TMEFF1: variants seen among roughly 807,000 people sequenced by gnomAD.
TMEFF1 encodes transmembrane protein with EGF like and two follistatin like domains 1.
In TMEFF1, 20 loss-of-function variants were observed where a neutral mutation model predicts 47.5. The observed-to-expected ratio is 0.42, with a 90% CI of 0.30 to 0.61. TMEFF1 has a LOEUF of 0.61. TMEFF1 is among the 20% of genes least tolerant of loss of function. TMEFF1 has a pLI of 0.19. For missense variants in TMEFF1, 411 were observed against 471.1 expected (o/e 0.87, Z 1.18); for synonymous variants, 162 against 166.3 (o/e 0.97, Z 0.20).
intron 2 of TMEFF1, among the ~76,000 whole-genome samples, 156 bp from the exon 3 acceptor site, chr9:100,508,849 A>G (rs1302196701): frequency 6.6e-6 from 1 of 151,284 alleles, no homozygotes; most frequent in East Asian, 1.9e-4. Context: ...GGTATGAAGA[A>G]GTAGCATAAT....
At chr9:100,482,765 C>T (rs997379070) in intron 1 of TMEFF1, among the ~76,000 whole-genome samples, 2 of 152,138 alleles carry the variant, frequency 1.3e-5, no homozygotes, top group Admixed American at 1.3e-4. Context: ...CTGTTATTCA[C>T]AATTATATGT....
At chr9:100,559,170 T>C (rs1240354582) in intron 7 of TMEFF1, among the ~76,000 whole-genome samples, 1 of 152,114 alleles carries the variant, frequency 6.6e-6, no homozygotes, top group Non-Finnish European at 1.5e-5. Flanking sequence ...AAAACCCAAA[T>C]AGCAATAAAA....
intron 8 of TMEFF1, among the ~76,000 whole-genome samples, chr9:100,564,083 TTTTTGTTTTGA>T (rs1385382499): frequency 6.6e-6 from 1 of 152,164 alleles, no homozygotes; most frequent in Non-Finnish European, 1.5e-5. Context: ...TTTCGTTTTG[TTTTTGTTTTGA>T]GATGAAGTCT....
intron 5 of TMEFF1, among the ~76,000 whole-genome samples, chr9:100,524,130 T>C (rs1277824574): frequency 6.6e-6 from 1 of 150,632 alleles, no homozygotes; most frequent in African/African-American, 2.5e-5. Flanking sequence ...CAAGCAGATA[T>C]GTACATATAT....
At chr9:100,535,459 C>G (rs766338135) in intron 5 of TMEFF1, among the ~76,000 whole-genome samples, 4 of 152,146 alleles carry the variant, frequency 2.6e-5, no homozygotes, top group Non-Finnish European at 5.9e-5. Flanking sequence ...TTTTCCTTTA[C>G]TAATAGGAAT....
At chr9:100,570,366 A>G (rs1360751618) in intron 8 of TMEFF1, among the ~76,000 whole-genome samples, 5 of 152,122 alleles carry the variant, frequency 3.3e-5, no homozygotes, top group South Asian at 2.1e-4. Flanking sequence ...ACGGTTTTCC[A>G]TAATAACTGT....
At chr9:100,489,349 T>C (rs1291566261) in intron 1 of TMEFF1, among the ~76,000 whole-genome samples, 1 of 152,118 alleles carries the variant, frequency 6.6e-6, no homozygotes, top group African/African-American at 2.4e-5. Context: ...ACTACAGGCA[T>C]GTGCCACCAC....
intron 7 of TMEFF1, among the ~76,000 whole-genome samples, chr9:100,554,637 T>C (rs1423131252): frequency 2.6e-5 from 4 of 151,414 alleles, no homozygotes; most frequent in Admixed American, 6.6e-5. Flanking sequence ...GGGTTTAGAA[T>C]TGGGAGAGTG....
intron 5 of TMEFF1, among the ~76,000 whole-genome samples, chr9:100,527,765 T>C (rs965955858): frequency 1.3e-5 from 2 of 152,218 alleles, no homozygotes; most frequent in African/African-American, 4.8e-5. Context: ...TGCCTGCCTC[T>C]GTAGGCTCCA....
At chr9:100,576,467 A>G (rs759732384) in intron 9 of TMEFF1, 49 bp from the exon 10 acceptor site, 3 of 1,597,558 alleles carry the variant, frequency 1.9e-6, no homozygotes, top group Admixed American at 1.8e-5. Flanking sequence ...TATCCTGAAC[A>G]AAATCATCAA....
At chr9:100,535,026 T>C (rs137855093) in intron 5 of TMEFF1, among the ~76,000 whole-genome samples, 195 of 152,302 alleles carry the variant, frequency 1.3e-3, no homozygotes, top group African/African-American at 4.6e-3. Flanking sequence ...CTTTTAGAAA[T>C]GTGAAAACCA....
chr9:100,495,115 A>T (rs1326681590), intron 1 of TMEFF1, among the ~76,000 whole-genome samples: 1 of 152,174 alleles, frequency 6.6e-6, no homozygotes, highest in African/African-American at 2.4e-5. Flanking sequence ...ACCCTAGTCC[A>T]GGACACCAGT....
At chr9:100,478,802 T>A (rs1050275277) in intron 1 of TMEFF1, among the ~76,000 whole-genome samples, 1 of 152,244 alleles carries the variant, frequency 6.6e-6, no homozygotes, top group Admixed American at 6.5e-5. Flanking sequence ...ATGAAGATGA[T>A]GATGGTCCTT....
intron 7 of TMEFF1, among the ~76,000 whole-genome samples, chr9:100,560,677 CTTCAG>C (rs925162609): frequency 3.4e-4 from 51 of 152,206 alleles, no homozygotes; most frequent in African/African-American, 1.2e-3. Context: ...ATTTTCTTCA[CTTCAG>C]TTCAGTTCAA....
chr9:100,570,682 C>T (rs996776499), intron 8 of TMEFF1, among the ~76,000 whole-genome samples: 17 of 151,890 alleles, frequency 1.1e-4, no homozygotes, highest in African/African-American at 4.1e-4. Context: ...AGCGTAGAGC[C>T]CAATGTGAAA....
At chr9:100,526,602 G>GT (rs1355928481) in intron 5 of TMEFF1, among the ~76,000 whole-genome samples, 1 of 151,982 alleles carries the variant, frequency 6.6e-6, no homozygotes. Context: ...ATTGCAGTCT[G>GT]TTTTGGTACA....
intron 2 of TMEFF1, among the ~76,000 whole-genome samples, chr9:100,506,531 C>T (rs984643344): frequency 1.1e-4 from 17 of 151,868 alleles, no homozygotes; most frequent in South Asian, 8.3e-4. Context: ...TTTGGGAGGC[C>T]GAGGCGGGCG....
chr9:100,567,102 A>G (rs1308625658), intron 8 of TMEFF1, among the ~76,000 whole-genome samples: 1 of 152,104 alleles, frequency 6.6e-6, no homozygotes, highest in Non-Finnish European at 1.5e-5. Flanking sequence ...CACTAAGTGC[A>G]GAAGGCCCTA....
chr9:100,545,256 T>C (rs1838710637), intron 5 of TMEFF1, among the ~76,000 whole-genome samples: 1 of 152,228 alleles, frequency 6.6e-6, no homozygotes, highest in Non-Finnish European at 1.5e-5. Flanking sequence ...AGCAAACTTC[T>C]GCCTGGGCAT....
Sources: gnomAD v4.1 joint callset for allele counts (sites outside exome capture counted in the v4.1 genomes callset) on GRCh38, gnomAD v4.1.1 for gene constraint, MANE v1.5 for transcripts, NCBI Gene and HGNC (gene_info 2026-07-23, HGNC 2026-07-21) for gene names.